ROBO1: variants seen among roughly 807,000 people sequenced by gnomAD.
ROBO1 encodes the protein roundabout homolog 1.
ROBO1 carries 149 observed loss-of-function variants against 195.9 expected under a neutral mutation model. The ratio of observed to expected loss-of-function variants is 0.76; its 90% CI spans 0.67 to 0.87. The LOEUF (loss-of-function observed/expected upper bound fraction) is 0.87, where lower values mean the gene tolerates loss of function less well. ROBO1 is among the 40% of genes least tolerant of loss of function. ROBO1 has a pLI of 0.00. For missense variants in ROBO1, 1,933 were observed against 2,068.3 expected (o/e 0.93, Z 1.27); for synonymous variants, 816 against 733.2 (o/e 1.11, Z -1.82).
At chr3:78,652,010 TGTTA>T (rs1706695129) in intron 18 of ROBO1, 81 bp from the exon 19 acceptor site, 13 of 1,060,850 alleles carry the variant, frequency 1.2e-5, no homozygotes, top group Non-Finnish European at 1.8e-5. Context: ...GCCATTACTT[TGTTA>T]ATTTCTGGAT....
At chr3:79,718,426 A>T (rs1272893439) in intron 1 of ROBO1, among the ~76,000 whole-genome samples, 1 of 151,934 alleles carries the variant, frequency 6.6e-6, no homozygotes, top group Non-Finnish European at 1.5e-5. Context: ...GGGGTTGTTA[A>T]ATTGTGCCAG....
At chr3:78,706,239 C>T (rs1255315936) in intron 8 of ROBO1, among the ~76,000 whole-genome samples, 1 of 151,872 alleles carries the variant, frequency 6.6e-6, no homozygotes, top group Non-Finnish European at 1.5e-5. Flanking sequence ...GAAGATGGGG[C>T]AGGTGGAGCT....
intron 30 of ROBO1, 97 bp from the exon 31 acceptor site, chr3:78,599,024 G>A (rs918787110): frequency 1.5e-6 from 1 of 671,762 alleles, no homozygotes; most frequent in East Asian, 3.0e-5. Flanking sequence ...AATTTAATGT[G>A]TCTTTTCATT....
chr3:79,222,681 AT>A (rs1213951894), intron 2 of ROBO1, among the ~76,000 whole-genome samples: 1 of 151,874 alleles, frequency 6.6e-6, no homozygotes, highest in South Asian at 2.1e-4. Context: ...TAATCCCTAG[AT>A]TTTTTTAAAT....
At chr3:79,629,559 A>C (rs919580302) in intron 1 of ROBO1, among the ~76,000 whole-genome samples, 2 of 152,134 alleles carry the variant, frequency 1.3e-5, no homozygotes, top group Admixed American at 6.6e-5. Context: ...TCAAATTAAC[A>C]AACCAATGTC....
chr3:79,091,358 AT>A (rs2079476593), intron 3 of ROBO1, among the ~76,000 whole-genome samples: 1 of 152,180 alleles, frequency 6.6e-6, no homozygotes, highest in Non-Finnish European at 1.5e-5. Context: ...AACAAATTCA[AT>A]AAAAAGTAAA....
chr3:79,014,690 T>C (rs1055269714), intron 3 of ROBO1, among the ~76,000 whole-genome samples: 1 of 152,208 alleles, frequency 6.6e-6, no homozygotes, highest in African/African-American at 2.4e-5. Flanking sequence ...CTGTAGTCTA[T>C]AGATTACCTT....
intron 2 of ROBO1, among the ~76,000 whole-genome samples, chr3:79,342,282 T>C (rs1041231673): frequency 1.3e-4 from 20 of 152,146 alleles, no homozygotes. Flanking sequence ...TTTAGCAGTC[T>C]ACAAAGGGAT....
intron 8 of ROBO1, among the ~76,000 whole-genome samples, chr3:78,706,158 G>C (rs1286279442): frequency 6.6e-6 from 1 of 151,942 alleles, no homozygotes; most frequent in Non-Finnish European, 1.5e-5. Flanking sequence ...ACTCGGATGG[G>C]GAGTGTCTGA....
At chr3:78,662,759 CTTTAG>C (rs1479903180) in intron 14 of ROBO1, among the ~76,000 whole-genome samples, 2 of 152,038 alleles carry the variant, frequency 1.3e-5, no homozygotes, top group Non-Finnish European at 2.9e-5. Context: ...ATTGATGATC[CTTTAG>C]TTTAGTTATT....
chr3:79,443,714 G>A (rs1370487370), intron 2 of ROBO1, among the ~76,000 whole-genome samples: 1 of 152,040 alleles, frequency 6.6e-6, no homozygotes, highest in African/African-American at 2.4e-5. Context: ...AAAGGGATAA[G>A]AATAGTACAA....
At chr3:79,572,822 C>G (rs1341173035) in intron 2 of ROBO1, among the ~76,000 whole-genome samples, 3 of 152,030 alleles carry the variant, frequency 2.0e-5, no homozygotes, top group African/African-American at 7.2e-5. Flanking sequence ...AGAAAATAGA[C>G]TGGTTTGGTC....
intron 2 of ROBO1, among the ~76,000 whole-genome samples, chr3:79,160,649 T>C (rs1047635390): frequency 2.6e-5 from 4 of 152,088 alleles, no homozygotes; most frequent in African/African-American, 9.7e-5. Flanking sequence ...GATTGACTGG[T>C]CTAATATGTC....
At position 78,668,661 on chromosome 3, in the gene ROBO1, A is replaced by C. The variant is rs1433346929; in HGVS notation, c.1549-96T>G. ...GTTTGTATATGATCCATGAATATGG[A>C]TAACTGCATTAAAATTCACTAACCA... On this transcript the variant is annotated intron_variant, in intron 11 of 30. Coordinates refer to ENST00000464233, the MANE Select transcript of ROBO1 (RefSeq NM_002941.4). 7 of 1,005,866 alleles carry C rather than the reference A, an allele frequency of 7.0e-6. No homozygotes were observed. In the Admixed American group the frequency reaches 1.7e-4, roughly 25 times the overall value. 62.3% of individuals were successfully genotyped at this position (1,005,866 alleles called of 1,614,324 possible).
At chr3:79,681,653 G>A (rs575187085) in intron 1 of ROBO1, among the ~76,000 whole-genome samples, 1 of 151,980 alleles carries the variant, frequency 6.6e-6, no homozygotes, top group Admixed American at 6.6e-5. Context: ...GGGGAACAAG[G>A]AAAATGCATG....
chr3:78,794,991 A>T (rs1559863763), intron 4 of ROBO1, among the ~76,000 whole-genome samples: 1 of 152,212 alleles, frequency 6.6e-6, no homozygotes, highest in African/African-American at 2.4e-5. Context: ...GCAGCCTAGT[A>T]CTTGTAATTA....
intron 10 of ROBO1, among the ~76,000 whole-genome samples, chr3:78,679,601 C>T (rs529156922): frequency 0.012 from 1,769 of 152,186 alleles, 14 homozygotes; most frequent in Non-Finnish European, 0.017. Flanking sequence ...AATAAAATAC[C>T]TAGGAATCCA....
chr3:79,608,152 C>T (rs776241989), intron 1 of ROBO1, among the ~76,000 whole-genome samples: 1 of 151,848 alleles, frequency 6.6e-6, no homozygotes, highest in Non-Finnish European at 1.5e-5. Context: ...ACAAGTTCGT[C>T]GTATGGAAAT....
At chr3:79,321,334 A>G (rs1483838194) in intron 2 of ROBO1, among the ~76,000 whole-genome samples, 1 of 152,202 alleles carries the variant, frequency 6.6e-6, no homozygotes, top group East Asian at 1.9e-4. Flanking sequence ...ATTAGTAACA[A>G]TAATAGTTAA....
Sources: allele counts gnomAD v4.1 joint callset (sites outside exome capture counted in the v4.1 genomes callset), GRCh38; gene constraint gnomAD v4.1.1; transcripts MANE v1.5; gene names NCBI Gene and HGNC (gene_info 2026-07-23, HGNC 2026-07-21).